TNRC6A: variants seen among roughly 807,000 people sequenced by gnomAD.
TNRC6A encodes trinucleotide repeat containing adaptor 6A, also known as trinucleotide repeat-containing gene 6A protein.
A neutral mutation model predicts 221.2 loss-of-function variants in TNRC6A; 44 were observed. The ratio of observed to expected loss-of-function variants is 0.20; its 90% CI spans 0.16 to 0.26. The LOEUF (loss-of-function observed/expected upper bound fraction) is 0.26, where lower values mean the gene tolerates loss of function less well. Among genes scored for constraint, TNRC6A ranks in the 10% least tolerant of loss-of-function variants. The pLI is 1.00. For synonymous variants in TNRC6A, 847 were observed against 838.5 expected, an observed-to-expected ratio of 1.01 and a Z score of -0.18; for missense variants, 2,199 against 2,404.4, an observed-to-expected ratio of 0.91 and a Z score of 1.79.
At chr16:24,656,391 C>T (rs1344588003) in intron 2 of TNRC6A, among the ~76,000 whole-genome samples, 3 of 146,810 alleles carry the variant, frequency 2.0e-5, no homozygotes, top group African/African-American at 5.0e-5. Context: ...CGCTTGAACC[C>T]GGGAGGCGGA....
intron 1 of TNRC6A, among the ~76,000 whole-genome samples, chr16:24,628,674 T>C (rs1377246623): frequency 6.6e-6 from 1 of 152,192 alleles, no homozygotes; most frequent in African/African-American, 2.4e-5. Flanking sequence ...ATATAATACA[T>C]ATAATATACA....
intron 2 of TNRC6A, among the ~76,000 whole-genome samples, chr16:24,696,464 C>T (rs1026808727): frequency 1.1e-4 from 17 of 151,682 alleles, no homozygotes; most frequent in Non-Finnish European, 2.1e-4. Context: ...GGCAAAGCAG[C>T]TTACGCCTGT....
chr16:24,732,773 G>A (rs1054401162), intron 2 of TNRC6A, among the ~76,000 whole-genome samples: 3 of 152,080 alleles, frequency 2.0e-5, no homozygotes, highest in South Asian at 2.1e-4. Context: ...AGCACTCCCC[G>A]TCCAGTTGTG....
intron 2 of TNRC6A, among the ~76,000 whole-genome samples, chr16:24,739,442 C>T (rs1399853138): frequency 6.6e-6 from 1 of 150,404 alleles, no homozygotes; most frequent in Non-Finnish European, 1.5e-5. Context: ...ATATGATTTA[C>T]AGGTATTTTT....
chr16:24,823,338 T>G lies in TNRC6A; in HGVS notation c.5514-94T>G. ...CTCTCCCTCTGTGCCTTCTGTGGCT[T>G]TTCTAGCAGAGACAAGTTGCACCCT... On this transcript the variant is annotated intron_variant, in intron 24 of 24. Transcript: ENST00000395799. This position sits in a 1 kb window ranked among gnomAD's most constrained non-coding sequence, Gnocchi z 4.3. The G allele has an allele frequency of 6.8e-7, 1 of 1,473,664 alleles. No individual in the cohort carries two copies. The highest frequency in any genetic ancestry group is 9.1e-7 in the Non-Finnish European group (1 of 1,097,684). 91.3% of individuals were successfully genotyped at this position (1,473,664 alleles called of 1,614,324 possible). A position where few individuals can be genotyped will look rare whatever the true frequency, so the allele number is the denominator to read the frequency against.
chr16:24,668,017 C>G (rs1165310899), intron 2 of TNRC6A, among the ~76,000 whole-genome samples: 1 of 151,218 alleles, frequency 6.6e-6, no homozygotes, highest in Admixed American at 6.6e-5. Flanking sequence ...AGAGCAAGAC[C>G]CTGTGTCTTA....
intron 2 of TNRC6A, among the ~76,000 whole-genome samples, chr16:24,644,531 C>T (rs1009019409): frequency 1.3e-5 from 2 of 152,008 alleles, no homozygotes; most frequent in African/African-American, 4.8e-5. Flanking sequence ...TAGGCTCAAG[C>T]GATCCTCCCG....
chr16:24,736,113 C>T (rs1450054503), intron 2 of TNRC6A, among the ~76,000 whole-genome samples: 5 of 152,104 alleles, frequency 3.3e-5, no homozygotes, highest in Non-Finnish European at 7.4e-5. Context: ...TGCAGTGAGC[C>T]GAAATTGCGC....
chr16:24,638,154 G>A (rs940482210), intron 1 of TNRC6A, among the ~76,000 whole-genome samples: 1 of 152,122 alleles, frequency 6.6e-6, no homozygotes, highest in Admixed American at 6.6e-5. Flanking sequence ...GCAGTGGCTC[G>A]CCACTATAAT....
chr16:24,666,936 C>T (rs1168444239), intron 2 of TNRC6A, among the ~76,000 whole-genome samples: 5 of 151,372 alleles, frequency 3.3e-5, no homozygotes, highest in Admixed American at 6.6e-5. Context: ...GCCGATATGA[C>T]GAAACACCAT....
In TNRC6A at chr16:24,771,586, T is replaced by TTTATGTTATGTTATGTTGTG. The variant is rs1567449463; in HGVS notation, c.164-5347_164-5346insTTATGTTATGTTATGTTGTG. ...TTTATGTTATGTTATGTTATGTTGT[T>TTTATGTTATGTTATGTTGTG]ATGTTATGTTATGTTATGTTATGTT... is the stretch of plus-strand genomic sequence containing the variant. On this transcript the variant is annotated intron_variant, in intron 4 of 24. Coordinates refer to ENST00000395799, the MANE Select transcript of TNRC6A (RefSeq NM_014494.4). Among the ~76,000 whole-genome samples, 155 of 123,120 alleles carry TTTATGTTATGTTATGTTGTG rather than the reference T, an allele frequency of 1.3e-3. 1 individual carries two copies. Among genetic ancestry groups the TTTATGTTATGTTATGTTGTG allele is most frequent in the African/African-American group, 5.0e-3 (154 of 31,084 alleles). The allele number at this position is 123,120 out of a possible 152,430, so 80.8% of individuals were successfully genotyped here. A position where few individuals can be genotyped will look rare whatever the true frequency, so the allele number is the denominator to read the frequency against.
upstream of TNRC6A, among the ~76,000 whole-genome samples, chr16:24,726,171 A>G (rs1181645121): frequency 6.6e-6 from 1 of 152,096 alleles, no homozygotes; most frequent in Non-Finnish European, 1.5e-5. Context: ...CAGGTGAGAC[A>G]ACGGTTAAGG....
At chr16:24,666,312 C>G (rs2055158642) in intron 2 of TNRC6A, among the ~76,000 whole-genome samples, 1 of 151,330 alleles carries the variant, frequency 6.6e-6, no homozygotes, top group Non-Finnish European at 1.5e-5. Context: ...ACTAAAAATA[C>G]AAAAGAAAAA....
At chr16:24,739,180 C>G (rs577316181) in intron 2 of TNRC6A, among the ~76,000 whole-genome samples, 23 of 152,156 alleles carry the variant, frequency 1.5e-4, no homozygotes, top group Non-Finnish European at 3.2e-4. Context: ...TTTCCATTGC[C>G]AGCATTTGTT....
intron 4 of TNRC6A, 109 bp from the exon 5 acceptor site, chr16:24,776,822 TTC>T (rs1426816459): frequency 1.3e-6 from 2 of 1,511,088 alleles, no homozygotes; most frequent in African/African-American, 2.8e-5. Flanking sequence ...CACAGAAAGC[TTC>T]TGTTTTTTTA....
chr16:24,809,922 C>A (rs779163437), intron 18 of TNRC6A, among the ~76,000 whole-genome samples: 1 of 152,218 alleles, frequency 6.6e-6, no homozygotes, highest in African/African-American at 2.4e-5. Flanking sequence ...AAGCAGTTCT[C>A]CTACCTCAGC....
intron 1 of TNRC6A, among the ~76,000 whole-genome samples, chr16:24,619,285 T>C (rs1384385874): frequency 3.3e-5 from 5 of 152,138 alleles, no homozygotes; most frequent in South Asian, 2.1e-4. Context: ...AGAGATTAAA[T>C]TGGAGAAGGG....
intron 17 of TNRC6A, 90 bp downstream of exon 17, chr16:24,806,874 C>A: frequency 1.6e-6 from 2 of 1,242,042 alleles, no homozygotes; most frequent in South Asian, 1.3e-5. Context: ...TCTGTTCCTT[C>A]ATGAAAGCTA....
intron 2 of TNRC6A, among the ~76,000 whole-genome samples, chr16:24,653,939 C>CTG (rs1336153511): frequency 1.3e-5 from 2 of 152,176 alleles, no homozygotes; most frequent in African/African-American, 4.8e-5. Flanking sequence ...AAGACTTTCT[C>CTG]TGTGGCCCAG....
Sources: allele counts gnomAD v4.1 joint callset (sites outside exome capture counted in the v4.1 genomes callset), GRCh38; gene constraint gnomAD v4.1.1; non-coding constraint Gnocchi (gnomAD v3.1); transcripts MANE v1.5; gene names NCBI Gene and HGNC (gene_info 2026-07-23, HGNC 2026-07-21).